Variants in HDAC9 observed in about 807,000 individuals in gnomAD.
HDAC9 encodes MEF-2 interacting transcription repressor (MITR) protein.
A neutral mutation model predicts 139.4 loss-of-function variants in HDAC9; 41 were observed. The observed-to-expected ratio is 0.29, with a 90% CI of 0.23 to 0.38. The LOEUF is 0.38. Ranked by LOEUF, HDAC9 falls within the 10% of genes least tolerant of loss-of-function variation. HDAC9 has a pLI of 1.00. For missense variants in HDAC9, 1,147 were observed against 1,297.0 expected, an observed-to-expected ratio of 0.88 and a Z score of 1.78; for synonymous variants, 517 against 476.2, an observed-to-expected ratio of 1.09 and a Z score of -1.12.
At chr7:18,368,739 G>C (rs904625838) in intron 1 of HDAC9, among the ~76,000 whole-genome samples, 4 of 151,622 alleles carry the variant, frequency 2.6e-5, no homozygotes, top group Non-Finnish European at 5.9e-5. Context: ...CCAGGTTTCA[G>C]ACACATGCTC....
chr7:18,591,609 A>G lies in HDAC9; in HGVS notation c.509A>G (p.His170Arg). The stretch of plus-strand genomic sequence containing the variant: ...GACACTCCAACTAATGGAAAAAATC[A>G]TTCCGTGAGCCGCCATCCCAAGCTC... ...TKDTPTNGKN[H>R]SVSRHPKLWY... is the part of the protein sequence containing the mutation. Residue 170 changes from histidine to arginine, a missense_variant, in exon 5 of 26, where the codon CAT becomes CGT. By Grantham distance (29) the His-to-Arg change is conservative. Around this residue, in one of 7 missense-constraint regions of HDAC9, gnomAD observed 79 missense variants for 65.8 expected, o/e 1.20. Transcript: ENST00000686413. 1 of 1,613,512 alleles carries G rather than the reference A, an allele frequency of 6.2e-7. No individual in the cohort carries two copies. The highest frequency in any genetic ancestry group is 8.5e-7 in the Non-Finnish European group (1 of 1,179,692).
chr7:18,222,954 C>G (rs1792805806), intron 2 of HDAC9, among the ~76,000 whole-genome samples: 1 of 152,164 alleles, frequency 6.6e-6, no homozygotes, highest in South Asian at 2.1e-4. Context: ...AAACTGCTCT[C>G]TAAAAGGTTT....
chr7:18,858,059 G>A (rs185336863), intron 21 of HDAC9, among the ~76,000 whole-genome samples: 21 of 152,134 alleles, frequency 1.4e-4, no homozygotes, highest in South Asian at 2.1e-4. Flanking sequence ...GGATTCTGCC[G>A]GCTGTTTAGT....
chr7:18,880,663 G>A (rs1042634079), intron 22 of HDAC9, among the ~76,000 whole-genome samples: 1 of 151,946 alleles, frequency 6.6e-6, no homozygotes, highest in Admixed American at 6.6e-5. Context: ...AGAGGAGGGT[G>A]GAAGGAGGAA....
At chr7:18,941,489 G>A (rs1004980120) in intron 23 of HDAC9, among the ~76,000 whole-genome samples, 1 of 152,112 alleles carries the variant, frequency 6.6e-6, no homozygotes, top group East Asian at 1.9e-4. Flanking sequence ...CTCATCAGGG[G>A]TTTGTTTTCA....
At chr7:18,585,699 C>G (rs1583709193) in intron 3 of HDAC9, among the ~76,000 whole-genome samples, 177 bp downstream of exon 3, 1 of 151,914 alleles carries the variant, frequency 6.6e-6, no homozygotes, top group East Asian at 1.9e-4. Flanking sequence ...TGTTAAAAAC[C>G]TGTTTTGCTT....
At chr7:18,761,437 C>T (rs894990817) in intron 14 of HDAC9, among the ~76,000 whole-genome samples, 19 of 151,996 alleles carry the variant, frequency 1.3e-4, no homozygotes, top group Admixed American at 2.0e-4. Flanking sequence ...GAGACTAATA[C>T]GCATAAAAAA....
chr7:18,374,454 T>A (rs865900856), intron 1 of HDAC9, among the ~76,000 whole-genome samples: 1 of 152,038 alleles, frequency 6.6e-6, no homozygotes, highest in Non-Finnish European at 1.5e-5. Flanking sequence ...CTATATGGTA[T>A]AGTCTGTTGC....
At chr7:18,841,871 T>C (rs1585136072) in intron 21 of HDAC9, among the ~76,000 whole-genome samples, 1 of 152,220 alleles carries the variant, frequency 6.6e-6, no homozygotes. Context: ...GGTTCTTTTT[T>C]TCCTTTTAAT....
intron 2 of HDAC9, among the ~76,000 whole-genome samples, chr7:18,511,545 G>A (rs773362170): frequency 6.6e-5 from 10 of 151,996 alleles, no homozygotes; most frequent in Middle Eastern, 6.3e-3. Context: ...TCAGTGAGCC[G>A]ACATCACTCC....
intron 12 of HDAC9, among the ~76,000 whole-genome samples, chr7:18,702,669 A>C (rs951067700): frequency 6.8e-6 from 1 of 146,818 alleles, no homozygotes; most frequent in Non-Finnish European, 1.5e-5. Context: ...AAATCCCCTC[A>C]TGGGAGGTGG....
intron 1 of HDAC9, among the ~76,000 whole-genome samples, chr7:18,294,894 A>G (rs569769129): frequency 2.0e-5 from 3 of 152,264 alleles, no homozygotes; most frequent in African/African-American, 7.2e-5. Context: ...GAAATACTGT[A>G]TAATTAATAG....
chr7:18,574,445 C>T (rs1825347007), intron 2 of HDAC9, among the ~76,000 whole-genome samples: 1 of 152,200 alleles, frequency 6.6e-6, no homozygotes, highest in South Asian at 2.1e-4. Flanking sequence ...ATGGGTGGGC[C>T]TGGATAAAGC....
chr7:18,719,785 A>C (rs573327471), intron 12 of HDAC9, among the ~76,000 whole-genome samples: 14 of 152,318 alleles, frequency 9.2e-5, no homozygotes, highest in Admixed American at 9.1e-4. Context: ...ACTTTTGTGT[A>C]TGGCATGAGG....
intron 2 of HDAC9, among the ~76,000 whole-genome samples, chr7:18,531,472 G>A (rs564678139): frequency 1.3e-5 from 2 of 151,818 alleles, no homozygotes; most frequent in South Asian, 4.2e-4. Context: ...TAATATGTAT[G>A]TAATTAAGAA....
At chr7:18,169,744 A>G (rs1788277768) in intron 2 of HDAC9, among the ~76,000 whole-genome samples, 1 of 152,102 alleles carries the variant, frequency 6.6e-6, no homozygotes. Flanking sequence ...GTTTGCTGAG[A>G]ATGATGGTTT....
At chr7:18,167,242 T>C (rs1411170244) in intron 2 of HDAC9, among the ~76,000 whole-genome samples, 1 of 152,142 alleles carries the variant, frequency 6.6e-6, no homozygotes, top group African/African-American at 2.4e-5. Context: ...TGATTCATTC[T>C]TTTGCCATTT....
At chr7:18,577,821 G>T (rs1296580040) in intron 2 of HDAC9, among the ~76,000 whole-genome samples, 2 of 152,106 alleles carry the variant, frequency 1.3e-5, no homozygotes, top group African/African-American at 4.8e-5. Context: ...CTAGAGAGGT[G>T]TCGGTGAAAC....
At chr7:18,479,885 C>G (rs1795409269) in intron 1 of HDAC9, among the ~76,000 whole-genome samples, 1 of 151,406 alleles carries the variant, frequency 6.6e-6, no homozygotes, top group African/African-American at 2.4e-5. Flanking sequence ...CTGTGTGTGC[C>G]AACACTCAGT....
Sources: allele counts gnomAD v4.1 joint callset (sites outside exome capture counted in the v4.1 genomes callset), GRCh38; gene constraint gnomAD v4.1.1; regional missense constraint gnomAD v4.1.1; transcripts MANE v1.5; gene names NCBI Gene and HGNC (gene_info 2026-07-23, HGNC 2026-07-21).